The following ONECUT2 variants were observed in gnomAD, a reference collection of about 807,000 sequenced individuals.
ONECUT2 encodes one cut homeobox 2.
Under a neutral mutation model 27.9 loss-of-function variants are expected in ONECUT2, and 10 were observed. That is an observed-to-expected ratio of 0.36 (90% CI 0.22 to 0.61). The LOEUF is 0.61. Ranked by LOEUF, ONECUT2 falls within the 20% of genes least tolerant of loss-of-function variation. ONECUT2 has a pLI of 0.73. For missense variants in ONECUT2, 686 were observed against 721.0 expected (o/e 0.95, Z 0.56); for synonymous variants, 334 against 315.1 (o/e 1.06, Z -0.64).
At chr18:57,451,036 A>G (rs1388629807) in intron 1 of ONECUT2, among the ~76,000 whole-genome samples, 1 of 152,178 alleles carries the variant, frequency 6.6e-6, no homozygotes, top group Non-Finnish European at 1.5e-5. Flanking sequence ...ATCCATATGG[A>G]ATTGAGTGAG....
At chr18:57,438,630 C>G (rs1405349624) in intron 1 of ONECUT2, among the ~76,000 whole-genome samples, 2 of 152,310 alleles carry the variant, frequency 1.3e-5, no homozygotes, top group East Asian at 3.9e-4. Context: ...GATTCCTATT[C>G]CCAGTCGGTA....
chr18:57,446,414 T>G (rs2050200680), intron 1 of ONECUT2, among the ~76,000 whole-genome samples: 1 of 152,152 alleles, frequency 6.6e-6, no homozygotes, highest in Non-Finnish European at 1.5e-5. Context: ...GATAAGTGCT[T>G]GGATCAAGGG....
chr18:57,469,463 A>G (rs1283969156), intron 1 of ONECUT2, among the ~76,000 whole-genome samples: 1 of 152,246 alleles, frequency 6.6e-6, no homozygotes, highest in African/African-American at 2.4e-5. Context: ...AACAATACCC[A>G]TCATATGTAG....
At chr18:57,463,648 A>T (rs2050304894) in intron 1 of ONECUT2, among the ~76,000 whole-genome samples, 1 of 152,146 alleles carries the variant, frequency 6.6e-6, no homozygotes, top group African/African-American at 2.4e-5. Flanking sequence ...TCTCTAACAA[A>T]GTTTTGTAGT....
intron 1 of ONECUT2, among the ~76,000 whole-genome samples, chr18:57,464,471 T>G (rs2050309586): frequency 6.6e-6 from 1 of 152,162 alleles, no homozygotes; most frequent in South Asian, 2.1e-4. Context: ...TTTGTTTTTG[T>G]TTTTGTTTTT....
chr18:57,467,092 GA>G, intron 1 of ONECUT2: 1 of 443,210 alleles, frequency 2.3e-6, no homozygotes, highest in Non-Finnish European at 4.5e-6. Context: ...CTCATTTCCT[GA>G]GTCCCCTTCA....
chr18:57,454,235 C>T (rs1372964720), intron 1 of ONECUT2, among the ~76,000 whole-genome samples: 1 of 152,114 alleles, frequency 6.6e-6, no homozygotes, highest in African/African-American at 2.4e-5. Context: ...CATACAGATG[C>T]TTAGAATAAC....
At position 57,435,513 on chromosome 18, in the gene ONECUT2, C is replaced by A. The variant is rs1412333961; in HGVS notation, c.-204C>A. ...CTCCCTCCCCGTCCCCTCCCCTCTC[C>A]CGCACGCACGCCCCGTCCGCCCCCA... is the stretch of plus-strand genomic sequence containing the variant. On this transcript the variant is annotated 5_prime_UTR_variant, in exon 1 of 2. Transcript: ENST00000491143. Among the ~76,000 whole-genome samples the A allele has an allele frequency of 6.8e-6, 1 of 147,150 alleles. No individual in the cohort carries two copies. Among genetic ancestry groups the A allele is most frequent in the African/African-American group, 2.5e-5 (1 of 39,984 alleles).
intron 1 of ONECUT2, among the ~76,000 whole-genome samples, chr18:57,449,707 C>T (rs1282657642): frequency 6.6e-6 from 1 of 152,230 alleles, no homozygotes; most frequent in African/African-American, 2.4e-5. Flanking sequence ...GCATTGTCCT[C>T]ACTGTCCTGT....
chr18:57,460,680 T>C (rs913072596), intron 1 of ONECUT2, among the ~76,000 whole-genome samples: 3 of 148,010 alleles, frequency 2.0e-5, no homozygotes, highest in Non-Finnish European at 3.0e-5. Flanking sequence ...GTTCTATTCA[T>C]TCAAATCTTT....
chr18:57,437,530 C>T (rs1253304334), intron 1 of ONECUT2, among the ~76,000 whole-genome samples: 1 of 152,232 alleles, frequency 6.6e-6, no homozygotes, highest in Non-Finnish European at 1.5e-5. Flanking sequence ...CTTGCCCCCG[C>T]GGGGAACCGG....
At chr18:57,440,606 C>T (rs2050168759) in intron 1 of ONECUT2, among the ~76,000 whole-genome samples, 1 of 152,226 alleles carries the variant, frequency 6.6e-6, no homozygotes. Context: ...GCCAACCCAC[C>T]ATGATGTCGC....
At chr18:57,441,403 C>T (rs2050173401) in intron 1 of ONECUT2, among the ~76,000 whole-genome samples, 1 of 152,228 alleles carries the variant, frequency 6.6e-6, no homozygotes, top group Admixed American at 6.5e-5. Flanking sequence ...GCCAGCTCTG[C>T]GCGGGTTCTC....
chr18:57,460,637 T>C (rs1215238707), intron 1 of ONECUT2, among the ~76,000 whole-genome samples: 2 of 152,084 alleles, frequency 1.3e-5, no homozygotes, highest in East Asian at 3.8e-4. Flanking sequence ...TTATATATTA[T>C]TTTGATCTTC....
In ONECUT2 at chr18:57,436,196, C is replaced by T. The variant is rs1288742802; in HGVS notation, c.480C>T (p.Ile160=). The change falls in exon 1 of 2, where the codon ATC becomes ATT. Residue 160 remains isoleucine (I), a synonymous_variant. Coordinates refer to ENST00000491143, the MANE Select transcript of ONECUT2 (RefSeq NM_004852.3). The surrounding 1 kb of genome is among the most constrained non-coding windows in gnomAD (Gnocchi z 5.9). ...TLTPLQPLPP[I]STVSDKFHHP... Reference sequence around the variant, plus strand: ...CACCGCTCCAGCCGCTGCCACCCATCTCCACCGTGTCTGACAAGTTCCACC... The same window carrying T: ...CACCGCTCCAGCCGCTGCCACCCATTTCCACCGTGTCTGACAAGTTCCACC... 1.2e-6 allele frequency: 2 copies of T among 1,607,732 alleles called. No homozygotes were observed. Among genetic ancestry groups the T allele is most frequent in the Admixed American group, 1.7e-5 (1 of 59,826 alleles).
intron 1 of ONECUT2, among the ~76,000 whole-genome samples, chr18:57,437,200 C>G (rs2050147687): frequency 6.6e-6 from 1 of 152,068 alleles, no homozygotes; most frequent in Non-Finnish European, 1.5e-5. Flanking sequence ...CCGACCCCCC[C>G]CCATTTCATT....
intron 1 of ONECUT2, among the ~76,000 whole-genome samples, chr18:57,460,065 G>C (rs2050281839): frequency 6.6e-6 from 1 of 152,104 alleles, no homozygotes; most frequent in African/African-American, 2.4e-5. Context: ...TAGGACTACA[G>C]GTGCCTGCCA....
chr18:57,450,836 GT>G (rs1261431295), intron 1 of ONECUT2, among the ~76,000 whole-genome samples: 2 of 151,998 alleles, frequency 1.3e-5, no homozygotes. Context: ...AAAAACAGAG[GT>G]TAATATTTTT....
rs1222847688 is a variant in ONECUT2 at position 57,435,952 on chromosome 18, G to T, written c.236G>T (p.Arg79Leu). The T allele has an allele frequency of 7.5e-7, 1 of 1,326,992 alleles. No homozygotes were observed. The highest frequency in any genetic ancestry group is 2.1e-5 in the South Asian group (1 of 48,040). 82.2% of individuals were successfully genotyped at this position (1,326,992 alleles called of 1,614,324 possible). ...GGCCGCGGCGCCGCTGGCTCGCTGCGGGGCCCTCCGCCGCCTCCAACCGCG... is the reference window on the plus strand; with the variant it reads ...GGCCGCGGCGCCGCTGGCTCGCTGCTGGGCCCTCCGCCGCCTCCAACCGCG... The part of the protein sequence containing the change: ...HAGRGAAGSL[R>L]GPPPPPTAHQ... The change falls in exon 1 of 2, where the codon CGG (arginine) becomes CTG (leucine). Residue 79 changes from arginine (R) to leucine (L), a missense_variant. Transcript: ENST00000491143.
Sources: gnomAD v4.1 joint callset for allele counts (sites outside exome capture counted in the v4.1 genomes callset) on GRCh38, gnomAD v4.1.1 for gene constraint, Gnocchi (gnomAD v3.1) non-coding constraint, MANE v1.5 for transcripts, NCBI Gene and HGNC (gene_info 2026-07-23, HGNC 2026-07-21) for gene names.